TWSG1: variants seen among roughly 807,000 people sequenced by gnomAD.
TWSG1 encodes twisted gastrulation protein homolog 1.
TWSG1 carries 15 observed loss-of-function variants against 23.0 expected under a neutral mutation model. The observed-to-expected ratio is 0.65, with a 90% CI of 0.44 to 1.00. TWSG1 has a LOEUF of 1.00. TWSG1 is among the 50% of genes least tolerant of loss of function. The pLI is 0.00. For synonymous variants in TWSG1, 86 were observed against 92.8 expected (o/e 0.93, Z 0.42); for missense variants, 242 against 278.7 (o/e 0.87, Z 0.94).
rs540361053 is a variant in TWSG1 at position 9,359,637 on chromosome 18, C to T, written c.124-335C>T. Among the ~76,000 whole-genome samples the T allele has an allele frequency of 3.3e-5, 5 of 152,210 alleles. No individual in the cohort carries two copies. In the East Asian group the frequency reaches 7.7e-4, roughly 23 times the overall value. ...TGGCTATTTGTTTAAATTTGGACAA[C>T]GAATATAATAGCTGAGAAGCAGGTT... On this transcript the variant is annotated intron_variant, in intron 2 of 4. Transcript: ENST00000262120.
At chr18:9,385,966 C>T (rs2040681295) in intron 3 of TWSG1, among the ~76,000 whole-genome samples, 1 of 151,876 alleles carries the variant, frequency 6.6e-6, no homozygotes, top group Non-Finnish European at 1.5e-5. Flanking sequence ...GTCAGGAGTT[C>T]GAGACCAGCC....
At chr18:9,347,780 T>C (rs2040484118) in intron 2 of TWSG1, among the ~76,000 whole-genome samples, 1 of 152,132 alleles carries the variant, frequency 6.6e-6, no homozygotes, top group Admixed American at 6.5e-5. Flanking sequence ...TTTCAAGAGC[T>C]CTTATTTATT....
intron 3 of TWSG1, 125 bp from the exon 4 acceptor site, chr18:9,396,147 CAAAAAAAA>C: frequency 5.0e-4 from 239 of 473,710 alleles, no homozygotes; most frequent in Admixed American, 9.3e-4. Flanking sequence ...GCTCACCCAG[CAAAAAAAA>C]AAAAAAAAAA....
chr18:9,365,433 G>A (rs2040573682), intron 3 of TWSG1, among the ~76,000 whole-genome samples: 3 of 152,202 alleles, frequency 2.0e-5, no homozygotes, highest in Non-Finnish European at 4.4e-5. Flanking sequence ...CCAGCACTCT[G>A]GGAGGCCAAG....
chr18:9,355,445 C>T (rs181548431), intron 2 of TWSG1, among the ~76,000 whole-genome samples: 55 of 152,172 alleles, frequency 3.6e-4, no homozygotes, highest in African/African-American at 9.9e-4. Flanking sequence ...TCATCCTAAC[C>T]GCAGCTTGCT....
intron 2 of TWSG1, among the ~76,000 whole-genome samples, chr18:9,339,605 T>C (rs2040437124): frequency 6.6e-6 from 1 of 151,782 alleles, no homozygotes; most frequent in African/African-American, 2.4e-5. Context: ...CAGGTGTGAG[T>C]CACCGTGCCT....
chr18:9,336,625 C>A (rs1321861338), intron 1 of TWSG1, among the ~76,000 whole-genome samples: 1 of 151,894 alleles, frequency 6.6e-6, no homozygotes, highest in Non-Finnish European at 1.5e-5. Flanking sequence ...AATTATAATA[C>A]AATATTAATA....
chr18:9,386,197 C>T (rs1454386171), intron 3 of TWSG1, among the ~76,000 whole-genome samples: 2 of 151,420 alleles, frequency 1.3e-5, no homozygotes, highest in African/African-American at 4.9e-5. Flanking sequence ...TGGTGGCTCA[C>T]ACCTGTAATC....
chr18:9,398,601 GTA>G (rs1311108545), intron 4 of TWSG1, among the ~76,000 whole-genome samples: 1 of 151,954 alleles, frequency 6.6e-6, no homozygotes, highest in Admixed American at 6.6e-5. Flanking sequence ...GGGGTTACAG[GTA>G]CCCACCACCA....
At chr18:9,393,576 G>A (rs2040721646) in intron 3 of TWSG1, among the ~76,000 whole-genome samples, 1 of 151,716 alleles carries the variant, frequency 6.6e-6, no homozygotes, top group African/African-American at 2.4e-5. Context: ...ATTTTTTTTA[G>A]AGACTGGGTC....
rs1218016801 is a variant in TWSG1, at chr18:9,344,523, A to ATG, written c.123+7173_123+7174dup. On this transcript the variant is annotated intron_variant, in intron 2 of 4. Coordinates refer to ENST00000262120, the MANE Select transcript of TWSG1 (RefSeq NM_020648.6). ...TGTGTGTGTGTGTGTGTGTGTGTGT[A>ATG]TGTATGTATTTTTTTTTTTTTTTGA... Among the ~76,000 whole-genome samples the ATG allele has an allele frequency of 0.047, 5,133 of 108,090 alleles. 665 individuals are homozygous for ATG. The East Asian group carries it at 0.48, about 10-fold the overall frequency. 70.9% of individuals were successfully genotyped at this position (108,090 alleles called of 152,430 possible).
chr18:9,374,314 A>G (rs1263796520), intron 3 of TWSG1, among the ~76,000 whole-genome samples: 1 of 152,200 alleles, frequency 6.6e-6, no homozygotes, highest in Non-Finnish European at 1.5e-5. Context: ...AAGAGAGGAC[A>G]CAAATTACTA....
chr18:9,358,073 A>T (rs2040535232), intron 2 of TWSG1, among the ~76,000 whole-genome samples: 1 of 152,176 alleles, frequency 6.6e-6, no homozygotes, highest in Non-Finnish European at 1.5e-5. Context: ...ATCAATGAAG[A>T]ATATCTCCAA....
chr18:9,361,279 T>C (rs2040551218), intron 3 of TWSG1, among the ~76,000 whole-genome samples: 1 of 152,224 alleles, frequency 6.6e-6, no homozygotes, highest in South Asian at 2.1e-4. Flanking sequence ...GTTCTTGTTT[T>C]ATATGTAACA....
At chr18:9,397,657 A>G (rs896581450) in intron 4 of TWSG1, among the ~76,000 whole-genome samples, 1 of 152,224 alleles carries the variant, frequency 6.6e-6, no homozygotes, top group Non-Finnish European at 1.5e-5. Flanking sequence ...TAAATAGTAT[A>G]ATTTGTACTC....
At chr18:9,365,330 T>A (rs948986715) in intron 3 of TWSG1, among the ~76,000 whole-genome samples, 44 of 151,630 alleles carry the variant, frequency 2.9e-4, no homozygotes, top group Middle Eastern at 3.4e-3. Flanking sequence ...TCTAAAAAAA[T>A]TTTTTTAAAT....
chr18:9,392,821 CA>C, intron 3 of TWSG1, among the ~76,000 whole-genome samples: 1 of 152,134 alleles, frequency 6.6e-6, no homozygotes, highest in Admixed American at 6.6e-5. Context: ...ACTTGGAGAC[CA>C]TAGTACGGTT....
intron 3 of TWSG1, among the ~76,000 whole-genome samples, chr18:9,395,308 A>T (rs997761295): frequency 1.3e-5 from 2 of 152,212 alleles, no homozygotes; most frequent in African/African-American, 4.8e-5. Flanking sequence ...GTCATTATTA[A>T]TGACCTTTTG....
At chr18:9,360,428 T>TA (rs1254502831) in intron 3 of TWSG1, among the ~76,000 whole-genome samples, 1 of 152,114 alleles carries the variant, frequency 6.6e-6, no homozygotes, top group Non-Finnish European at 1.5e-5. Context: ...ATGTGTTAAG[T>TA]AAAAAAAGTC....
Sources: allele counts gnomAD v4.1 joint callset (sites outside exome capture counted in the v4.1 genomes callset), GRCh38; gene constraint gnomAD v4.1.1; transcripts MANE v1.5; gene names NCBI Gene and HGNC (gene_info 2026-07-23, HGNC 2026-07-21).